The following PPP1R16B variants were observed in gnomAD, a reference collection of about 807,000 sequenced individuals.
The protein encoded by PPP1R16B is protein phosphatase 1 regulatory subunit 16B, also known as protein phosphatase 1 regulatory inhibitor subunit 16B.
Under a neutral mutation model 61.7 loss-of-function variants are expected in PPP1R16B, and 14 were observed. That is an observed-to-expected ratio of 0.23 (90% CI 0.15 to 0.35). The LOEUF (loss-of-function observed/expected upper bound fraction) is 0.35. PPP1R16B is among the 10% of genes least tolerant of loss of function. The pLI is 1.00. For missense variants in PPP1R16B, 547 were observed against 752.5 expected (o/e 0.73, Z 3.19); for synonymous variants, 266 against 305.3 (o/e 0.87, Z 1.34).
At position 38,894,848 on chromosome 20, in the gene PPP1R16B, G is replaced by T. The variant is rs1407715293; in HGVS notation, c.322-717G>T. Among the ~76,000 whole-genome samples, 2 of 152,188 alleles carry T rather than the reference G, an allele frequency of 1.3e-5. 1 individual carries two copies. The highest frequency in any genetic ancestry group is 4.8e-5 in the African/African-American group (2 of 41,446). ...TTGGAGCCTGCGTTCTCTCTAGGAGGCTGCAGGCTGCTGGCCCTTCCCCCT... is the reference window on the plus strand; with the variant it reads ...TTGGAGCCTGCGTTCTCTCTAGGAGTCTGCAGGCTGCTGGCCCTTCCCCCT... On this transcript the variant is annotated intron_variant, in intron 3 of 10. Transcript: ENST00000299824.
At chr20:38,895,844 C>T (rs2085333181) in intron 4 of PPP1R16B, 134 bp downstream of exon 4, 2 of 917,350 alleles carry the variant, frequency 2.2e-6, no homozygotes, top group East Asian at 6.0e-5. Context: ...CTCCTCCCTT[C>T]CTCCTTCCTT....
chr20:38,871,779 G>A (rs895567424), intron 2 of PPP1R16B, among the ~76,000 whole-genome samples: 20 of 152,112 alleles, frequency 1.3e-4, no homozygotes, highest in Non-Finnish European at 1.2e-4. Flanking sequence ...GTGACTGTGG[G>A]TGCAGGTGTG....
chr20:38,885,426 T>A (rs2085237614), intron 2 of PPP1R16B, among the ~76,000 whole-genome samples: 1 of 152,134 alleles, frequency 6.6e-6, no homozygotes, highest in South Asian at 2.1e-4. Context: ...ACATAGAGAG[T>A]TCCAGAAGCA....
intron 2 of PPP1R16B, among the ~76,000 whole-genome samples, chr20:38,878,879 A>G (rs1406388354): frequency 6.6e-6 from 1 of 152,230 alleles, no homozygotes; most frequent in Admixed American, 6.5e-5. Context: ...TTCAGGATTG[A>G]TAGCTGGAAG....
chr20:38,823,457 A>G (rs1160220152), intron 1 of PPP1R16B, among the ~76,000 whole-genome samples: 2 of 152,184 alleles, frequency 1.3e-5, no homozygotes, highest in African/African-American at 4.8e-5. Context: ...CCTGGCCAAC[A>G]TGGTGAAACC....
At chr20:38,886,677 C>G (rs1311816262) in intron 2 of PPP1R16B, among the ~76,000 whole-genome samples, 1 of 152,246 alleles carries the variant, frequency 6.6e-6, no homozygotes, top group Non-Finnish European at 1.5e-5. Flanking sequence ...GTAGGAGATG[C>G]CTGCGAGCAG....
At chr20:38,836,523 A>G (rs561293752) in intron 2 of PPP1R16B, among the ~76,000 whole-genome samples, 42 of 152,108 alleles carry the variant, frequency 2.8e-4, no homozygotes, top group African/African-American at 9.6e-4. Context: ...CAGCTAATTA[A>G]AACAAAAAAA....
intron 10 of PPP1R16B, among the ~76,000 whole-genome samples, chr20:38,911,737 A>G (rs1374210951): frequency 6.6e-6 from 1 of 151,916 alleles, no homozygotes; most frequent in Admixed American, 6.6e-5. Flanking sequence ...GGGTTTCGCC[A>G]TATTGGCCAG....
At chr20:38,828,730 C>A (rs1300205008) in intron 1 of PPP1R16B, among the ~76,000 whole-genome samples, 1 of 152,248 alleles carries the variant, frequency 6.6e-6, no homozygotes, top group African/African-American at 2.4e-5. Flanking sequence ...CAACCACTCA[C>A]TGTGCTGGGC....
At chr20:38,875,281 G>C (rs554347023) in intron 2 of PPP1R16B, among the ~76,000 whole-genome samples, 1 of 152,140 alleles carries the variant, frequency 6.6e-6, no homozygotes, top group Non-Finnish European at 1.5e-5. Flanking sequence ...GCTCCCCTCC[G>C]GGCCCAGCCA....
In PPP1R16B at chr20:38,867,549, A is replaced by C. The variant is rs2085098489; in HGVS notation, c.251-22046A>C. Among the ~76,000 whole-genome samples, 7 of 152,242 alleles carry C rather than the reference A, an allele frequency of 4.6e-5. 1 individual carries two copies. The highest frequency in any genetic ancestry group is 3.3e-4 in the Admixed American group (5 of 15,284). ...TACCTACTTAAAAGGGTTGTACCAG[A>C]GCTAAATGAAGCCTTGCTTTAGCAC... On this transcript the variant is annotated intron_variant, in intron 2 of 10. Coordinates refer to ENST00000299824, the MANE Select transcript of PPP1R16B (RefSeq NM_015568.4).
In PPP1R16B at chr20:38,922,825, A is replaced by G. The variant is rs10477; in HGVS notation, c.*4159A>G. The G allele has an allele frequency of 0.17, 25,922 of 152,568 alleles. 2,633 individuals carry two copies. Among genetic ancestry groups the G allele is most frequent in the African/African-American group, 0.28 (11,459 of 41,530 alleles). 9.5% of individuals were successfully genotyped at this position (152,568 alleles called of 1,614,324 possible). Reference sequence around the variant, plus strand: ...AAACTTTTTTAAAAAAAATCTTCGCAGATCTTTGATATCGTACTGAGGTAA... The same window carrying G: ...AAACTTTTTTAAAAAAAATCTTCGCGGATCTTTGATATCGTACTGAGGTAA... On this transcript the variant is annotated 3_prime_UTR_variant, in exon 11 of 11. Transcript: ENST00000299824.
At chr20:38,904,372 G>A (rs2085422867) in intron 6 of PPP1R16B, among the ~76,000 whole-genome samples, 1 of 152,218 alleles carries the variant, frequency 6.6e-6, no homozygotes, top group Non-Finnish European at 1.5e-5. Context: ...CCAGTAAACT[G>A]GAGATCATAG....
chr20:38,883,892 C>G (rs538364819), intron 2 of PPP1R16B, among the ~76,000 whole-genome samples: 1 of 152,298 alleles, frequency 6.6e-6, no homozygotes, highest in East Asian at 1.9e-4. Flanking sequence ...CCCCATTTTG[C>G]AGATGAGGAC....
chr20:38,863,228 C>T (rs1022463833), intron 2 of PPP1R16B, among the ~76,000 whole-genome samples: 3 of 152,102 alleles, frequency 2.0e-5, no homozygotes, highest in African/African-American at 7.2e-5. Flanking sequence ...GGGGACGTTC[C>T]CAGAAGGCAA....
Position 38,895,600 on chromosome 20 carries a change from G to C in PPP1R16B, c.357G>C (p.Leu119=). Residue 119 remains leucine (L), a synonymous_variant, in exon 4 of 11, where the codon CTG becomes CTC. Coordinates refer to ENST00000299824, the MANE Select transcript of PPP1R16B (RefSeq NM_015568.4). The part of the protein sequence containing the change: ...CIDNFEEIVK[L]LLSHGANVNA... Reference sequence around the variant, plus strand: ...ACAACTTTGAGGAAATTGTGAAGCTGCTCCTCTCCCATGGTGCCAATGTGA... The same window carrying C: ...ACAACTTTGAGGAAATTGTGAAGCTCCTCCTCTCCCATGGTGCCAATGTGA... 6.2e-7 allele frequency: 1 copy of C among 1,613,750 alleles called. No homozygotes were observed. Among genetic ancestry groups the C allele is most frequent in the Non-Finnish European group, 8.5e-7 (1 of 1,179,678 alleles).
At chr20:38,883,221 C>T (rs2085215540) in intron 2 of PPP1R16B, among the ~76,000 whole-genome samples, 1 of 152,226 alleles carries the variant, frequency 6.6e-6, no homozygotes, top group African/African-American at 2.4e-5. Flanking sequence ...GGGCAGACAC[C>T]TCTGCCTGGC....
chr20:38,900,322 A>C (rs569585940), intron 4 of PPP1R16B, among the ~76,000 whole-genome samples: 1 of 152,282 alleles, frequency 6.6e-6, no homozygotes, highest in Admixed American at 6.5e-5. Flanking sequence ...AACAGAGTGA[A>C]AGGCTTAGGG....
chr20:38,909,335 T>C (rs1201791978), intron 10 of PPP1R16B, among the ~76,000 whole-genome samples: 1 of 152,232 alleles, frequency 6.6e-6, no homozygotes, highest in African/African-American at 2.4e-5. Context: ...AGTCATTGGA[T>C]TGGAGCCCAT....
Sources: gnomAD v4.1 joint callset for allele counts (sites outside exome capture counted in the v4.1 genomes callset) on GRCh38, gnomAD v4.1.1 for gene constraint, MANE v1.5 for transcripts, NCBI Gene and HGNC (gene_info 2026-07-23, HGNC 2026-07-21) for gene names.